RSRC1: variants seen among roughly 807,000 people sequenced by gnomAD.
The protein encoded by RSRC1 is arginine and serine rich coiled-coil 1, also known as serine/Arginine-related protein 53.
Under a neutral mutation model 49.1 loss-of-function variants are expected in RSRC1, and 39 were observed. The observed-to-expected ratio is 0.79, with a 90% CI of 0.61 to 1.04. The LOEUF is 1.04. Among genes scored for constraint, RSRC1 ranks in the 50% least tolerant of loss-of-function variants. The pLI, the probability that RSRC1 is intolerant of heterozygous loss-of-function variation, is 0.00. For synonymous variants in RSRC1, 143 were observed against 130.8 expected, an observed-to-expected ratio of 1.09 and a Z score of -0.63; for missense variants, 388 against 402.4, an observed-to-expected ratio of 0.96 and a Z score of 0.31.
At chr3:158,336,057 A>G (rs1284226060) in intron 5 of RSRC1, among the ~76,000 whole-genome samples, 1 of 152,212 alleles carries the variant, frequency 6.6e-6, no homozygotes, top group African/African-American at 2.4e-5. Flanking sequence ...TGTAAGCTCT[A>G]CTGCCCAAAT....
intron 7 of RSRC1, among the ~76,000 whole-genome samples, chr3:158,522,563 G>T (rs1049213282): frequency 2.0e-5 from 3 of 152,142 alleles, no homozygotes; most frequent in Admixed American, 6.6e-5. Flanking sequence ...GAAAGAAAAA[G>T]CTGAATTGAG....
chr3:158,240,957 A>G (rs1559957793), intron 4 of RSRC1, among the ~76,000 whole-genome samples: 3 of 152,184 alleles, frequency 2.0e-5, no homozygotes, highest in South Asian at 2.1e-4. Context: ...TTATTACAGC[A>G]TATTATTATA....
At chr3:158,485,167 T>C (rs1738768105) in intron 7 of RSRC1, among the ~76,000 whole-genome samples, 1 of 152,078 alleles carries the variant, frequency 6.6e-6, no homozygotes, top group African/African-American at 2.4e-5. Context: ...AGAATGAAGA[T>C]TGTAGGCTGT....
At chr3:158,458,200 T>G (rs4324501) in intron 6 of RSRC1, among the ~76,000 whole-genome samples, 1 of 151,922 alleles carries the variant, frequency 6.6e-6, no homozygotes, top group Non-Finnish European at 1.5e-5. Context: ...TAACTATGGA[T>G]GCTGACTAAG....
chr3:158,544,511 G>T lies in RSRC1; in HGVS notation c.*236G>T. ...ATGAAAATGTTATACTGTTAATAAA[G>T]CTAAACATAAATAAGTCTGTTAAAA... On this transcript the variant is annotated 3_prime_UTR_variant, in exon 10 of 10. Coordinates refer to ENST00000611884, the MANE Select transcript of RSRC1 (RefSeq NM_001271838.2). 3.4e-6 allele frequency: 1 copy of T among 290,858 alleles called. No homozygotes were observed. The highest frequency in any genetic ancestry group is 6.4e-6 in the Non-Finnish European group (1 of 157,418). The allele number at this position is 290,858 out of a possible 1,614,324, so 18.0% of individuals were successfully genotyped here.
intron 3 of RSRC1, among the ~76,000 whole-genome samples, chr3:158,158,938 CAAA>C (rs11340589): frequency 2.1e-4 from 25 of 119,344 alleles, no homozygotes; most frequent in East Asian, 2.4e-4. Context: ...GACTCTGTCT[CAAA>C]AAAAAAAAAA....
Position 158,539,095 on chromosome 3 carries a change from T to C in RSRC1, c.759+1897T>C. Among the ~76,000 whole-genome samples the C allele has an allele frequency of 8.5e-6, 1 of 117,108 alleles. No homozygotes were observed. The highest frequency in any genetic ancestry group is 3.6e-5 in the African/African-American group (1 of 27,970). The allele number at this position is 117,108 out of a possible 152,430, so 76.8% of individuals were successfully genotyped here. A position where few individuals can be genotyped will look rare whatever the true frequency, so the allele number is the denominator to read the frequency against. Reference sequence around the variant, plus strand: ...GAAGGATATGATGGACTATCCCTAATGCATAGCAAGGATTTAACTCTCTTG... The same window carrying C: ...GAAGGATATGATGGACTATCCCTAACGCATAGCAAGGATTTAACTCTCTTG... On this transcript the variant is annotated intron_variant, in intron 8 of 9. Coordinates refer to ENST00000611884, the MANE Select transcript of RSRC1 (RefSeq NM_001271838.2). The surrounding 1 kb of genome is among the most constrained non-coding windows in gnomAD (Gnocchi z 4.1).
rs1242415911 is a variant in RSRC1 at position 158,229,317 on chromosome 3, A to C, written c.494+26072A>C. On this transcript the variant is annotated intron_variant, in intron 4 of 9. Coordinates refer to ENST00000611884, the MANE Select transcript of RSRC1 (RefSeq NM_001271838.2). ...ACGTATATGTGTATGTATGTATATA[A>C]ACATACACAGGTATATGTGTATGTA... 1.9e-4 allele frequency among the ~76,000 whole-genome samples: 28 copies of C among 146,988 alleles called. 1 individual carries two copies. The highest frequency in any genetic ancestry group is 5.8e-4 in the African/African-American group (23 of 39,696).
At chr3:158,500,494 C>CT (rs1315913367) in intron 7 of RSRC1, among the ~76,000 whole-genome samples, 2 of 151,478 alleles carry the variant, frequency 1.3e-5, no homozygotes, top group Non-Finnish European at 2.9e-5. Context: ...TGGTCCTGGG[C>CT]TTTTTTTTGT....
chr3:158,238,950 T>G (rs1316420099), intron 4 of RSRC1, among the ~76,000 whole-genome samples: 1 of 151,850 alleles, frequency 6.6e-6, no homozygotes, highest in African/African-American at 2.4e-5. Flanking sequence ...ATGGGAGAAA[T>G]TTTTTGCAAT....
At chr3:158,283,534 A>G (rs1219095582) in intron 4 of RSRC1, among the ~76,000 whole-genome samples, 1 of 152,124 alleles carries the variant, frequency 6.6e-6, no homozygotes, top group Non-Finnish European at 1.5e-5. Flanking sequence ...ATAGCACAAG[A>G]CCATTTCGTG....
chr3:158,321,276 TTCCTCTTCC>T lies in RSRC1; in HGVS notation c.531+23207_531+23215del, dbSNP rs879652013. Among the ~76,000 whole-genome samples the T allele has an allele frequency of 5.8e-3, 564 of 97,362 alleles. 7 individuals carry two copies. In the Middle Eastern group the frequency reaches 0.064, roughly 11 times the overall value. The allele number at this position is 97,362 out of a possible 152,430, so 63.9% of individuals were successfully genotyped here. On this transcript the variant is annotated intron_variant, in intron 5 of 9. Coordinates refer to ENST00000611884, the MANE Select transcript of RSRC1 (RefSeq NM_001271838.2). ...CTTCTTCTTCTTTTTCTTCTTCCTC[TTCCTCTTCC>T]TCCTCCTCCTCCTCTTCTTCCTCTT...
At chr3:158,174,359 T>A (rs1235906286) in intron 3 of RSRC1, among the ~76,000 whole-genome samples, 1 of 151,962 alleles carries the variant, frequency 6.6e-6, no homozygotes, top group Non-Finnish European at 1.5e-5. Context: ...TATTTAAAAC[T>A]TTTTATTCAA....
chr3:158,392,152 C>T (rs1406552518), intron 6 of RSRC1, among the ~76,000 whole-genome samples: 1 of 152,116 alleles, frequency 6.6e-6, no homozygotes, highest in East Asian at 1.9e-4. Context: ...ATGTACTCTG[C>T]ATACCTACAT....
At chr3:158,115,389 A>G (rs943235084) in intron 1 of RSRC1, among the ~76,000 whole-genome samples, 2 of 151,736 alleles carry the variant, frequency 1.3e-5, no homozygotes, top group Non-Finnish European at 2.9e-5. Context: ...AGTATAAAGG[A>G]CAGAAATAGA....
chr3:158,513,630 TA>T (rs1335521830), intron 7 of RSRC1, among the ~76,000 whole-genome samples: 2 of 152,214 alleles, frequency 1.3e-5, no homozygotes, highest in Non-Finnish European at 2.9e-5. Flanking sequence ...GCTGGCCTCA[TA>T]AAATGAGTTA....
intron 4 of RSRC1, among the ~76,000 whole-genome samples, chr3:158,278,970 C>T (rs914599694): frequency 1.3e-5 from 2 of 152,284 alleles, no homozygotes; most frequent in East Asian, 3.9e-4. Flanking sequence ...TTTTCCAGCA[C>T]AGCTGTAATG....
chr3:158,296,339 C>T (rs1727237781), intron 4 of RSRC1, among the ~76,000 whole-genome samples: 1 of 151,980 alleles, frequency 6.6e-6, no homozygotes, highest in Non-Finnish European at 1.5e-5. Flanking sequence ...CACACATACA[C>T]ACATACACAC....
chr3:158,509,522 T>A (rs922229982), intron 7 of RSRC1, among the ~76,000 whole-genome samples: 21 of 152,280 alleles, frequency 1.4e-4, no homozygotes, highest in African/African-American at 5.1e-4. Context: ...AAATGTTATA[T>A]TTCTAATTTT....
Sources: allele counts gnomAD v4.1 joint callset (sites outside exome capture counted in the v4.1 genomes callset), GRCh38; gene constraint gnomAD v4.1.1; non-coding constraint Gnocchi (gnomAD v3.1); transcripts MANE v1.5; gene names NCBI Gene and HGNC (gene_info 2026-07-23, HGNC 2026-07-21).